CSGALNACT1: variants seen among roughly 807,000 people sequenced by gnomAD.
CSGALNACT1 encodes beta4GalNAcT-1.
In CSGALNACT1, 52 loss-of-function variants were observed where a neutral mutation model predicts 51.0. The observed-to-expected ratio is 1.02, with a 90% CI of 0.82 to 1.29. The LOEUF (loss-of-function observed/expected upper bound fraction) is 1.29, where lower values mean the gene tolerates loss of function less well. CSGALNACT1 is among the 50% of genes most tolerant of loss of function. CSGALNACT1 has a pLI of 0.00. For synonymous variants in CSGALNACT1, 341 were observed against 254.4 expected (o/e 1.34, Z -3.24); for missense variants, 935 against 679.2 (o/e 1.38, Z -4.19).
chr8:19,603,557 C>A (rs140312545), upstream of CSGALNACT1, among the ~76,000 whole-genome samples: 1 of 152,152 alleles, frequency 6.6e-6, no homozygotes, highest in Non-Finnish European at 1.5e-5. Flanking sequence ...CACTTGGACC[C>A]GAATCTGAGT....
chr8:19,747,072 C>T (rs1298057682), intron 1 of CSGALNACT1, among the ~76,000 whole-genome samples: 2 of 152,188 alleles, frequency 1.3e-5, no homozygotes, highest in Non-Finnish European at 2.9e-5. Context: ...GACAATTTTA[C>T]AAGGGTCCCA....
chr8:19,538,757 C>T (rs77220906), intron 3 of CSGALNACT1, among the ~76,000 whole-genome samples: 5,530 of 152,130 alleles, frequency 0.036, 305 homozygotes, highest in African/African-American at 0.12. Context: ...GTGGACTTCA[C>T]TCTGCACATC....
chr8:19,633,402 A>G (rs1564307747), intron 1 of CSGALNACT1, among the ~76,000 whole-genome samples: 2 of 152,320 alleles, frequency 1.3e-5, no homozygotes, highest in Non-Finnish European at 2.9e-5. Flanking sequence ...GGTACCCCAA[A>G]GAAGATATGT....
intron 9 of CSGALNACT1, among the ~76,000 whole-genome samples, chr8:19,407,910 T>TGC (rs922637137): frequency 6.0e-5 from 3 of 50,392 alleles, no homozygotes; most frequent in Non-Finnish European, 1.3e-4. Context: ...ATGAATTGTG[T>TGC]GTGTGTGTGT....
In CSGALNACT1 at chr8:19,642,658, C is replaced by G. The variant is rs149962580; in HGVS notation, c.-544+39815G>C. ...CTAGCTGGGCATGGTGGCACACACA[C>G]ACCTGTAGTCCCAGCTACTCGGGAG... On this transcript the variant is annotated intron_variant, in intron 1 of 9. Coordinates refer to the CSGALNACT1 transcript ENST00000332246. 3.7e-3 allele frequency among the ~76,000 whole-genome samples: 569 copies of G among 152,058 alleles called. 6 individuals carry two copies. Among genetic ancestry groups the G allele is most frequent in the African/African-American group, 0.013 (545 of 41,472 alleles).
At chr8:19,428,876 T>TGC (rs1491535188) in intron 6 of CSGALNACT1, among the ~76,000 whole-genome samples, 1 of 130,106 alleles carries the variant, frequency 7.7e-6, no homozygotes, top group Non-Finnish European at 1.7e-5. Context: ...TGTGTGTGTG[T>TGC]ATGCATGCTG....
At chr8:19,696,200 T>A (rs1646767190) in intron 1 of CSGALNACT1, among the ~76,000 whole-genome samples, 1 of 152,236 alleles carries the variant, frequency 6.6e-6, no homozygotes, top group African/African-American at 2.4e-5. Context: ...ATCAGGACTT[T>A]GGGGAACTTG....
chr8:19,543,603 T>C (rs1250366209), intron 3 of CSGALNACT1, among the ~76,000 whole-genome samples: 1 of 151,970 alleles, frequency 6.6e-6, no homozygotes, highest in Non-Finnish European at 1.5e-5. Flanking sequence ...TCCAGTGGGG[T>C]TCCACAGGCA....
At chr8:19,473,446 G>A (rs2068676270) in intron 4 of CSGALNACT1, among the ~76,000 whole-genome samples, 1 of 152,002 alleles carries the variant, frequency 6.6e-6, no homozygotes, top group South Asian at 2.1e-4. Flanking sequence ...ATTATCACAG[G>A]GTCCTTCCCA....
intron 3 of CSGALNACT1, among the ~76,000 whole-genome samples, chr8:19,577,142 C>T (rs1188465391): frequency 6.6e-6 from 1 of 152,172 alleles, no homozygotes; most frequent in African/African-American, 2.4e-5. Context: ...CAAAGCCTGA[C>T]AAACCAGTGC....
intron 1 of CSGALNACT1, among the ~76,000 whole-genome samples, chr8:19,691,435 A>G: frequency 6.6e-6 from 1 of 152,180 alleles, no homozygotes; most frequent in Non-Finnish European, 1.5e-5. Context: ...AACAAACAAA[A>G]CAAAACAAAA....
chr8:19,619,123 G>C (rs2053476586), intron 1 of CSGALNACT1, among the ~76,000 whole-genome samples: 1 of 151,930 alleles, frequency 6.6e-6, no homozygotes, highest in Non-Finnish European at 1.5e-5. Context: ...CACTACAGAG[G>C]AGCAAAGGGA....
chr8:19,558,995 G>A (rs1218151281), intron 3 of CSGALNACT1, among the ~76,000 whole-genome samples: 2 of 152,116 alleles, frequency 1.3e-5, no homozygotes, highest in Non-Finnish European at 2.9e-5. Flanking sequence ...GATGTTCCTT[G>A]AACTACATGC....
chr8:19,722,037 T>C (rs895567266), intron 1 of CSGALNACT1, among the ~76,000 whole-genome samples: 1 of 152,250 alleles, frequency 6.6e-6, no homozygotes, highest in East Asian at 1.9e-4. Context: ...TTGAATTTTT[T>C]TTTCTGTGAT....
intron 1 of CSGALNACT1, among the ~76,000 whole-genome samples, chr8:19,608,309 T>G (rs533522649): frequency 6.6e-6 from 1 of 152,262 alleles, no homozygotes; most frequent in East Asian, 1.9e-4. Flanking sequence ...CCAACACACC[T>G]ACTCCAACAC....
chr8:19,556,652 A>G (rs1291455437), intron 3 of CSGALNACT1, among the ~76,000 whole-genome samples: 4 of 152,192 alleles, frequency 2.6e-5, no homozygotes, highest in Non-Finnish European at 5.9e-5. Flanking sequence ...GCAAGCTTCT[A>G]TCTGCTGCAA....
At chr8:19,682,762 G>A (rs750354589), upstream of CSGALNACT1, 19 of 453,902 alleles carry the variant, frequency 4.2e-5, no homozygotes, top group African/African-American at 8.0e-5. Flanking sequence ...GAACAAGCCC[G>A]TCTGCCCAAG....
At chr8:19,623,201 A>G (rs2054043297) in intron 1 of CSGALNACT1, among the ~76,000 whole-genome samples, 1 of 152,250 alleles carries the variant, frequency 6.6e-6, no homozygotes, top group South Asian at 2.1e-4. Flanking sequence ...AACCACTGTC[A>G]TCAGATTGAT....
At chr8:19,456,346 C>G (rs2064090469) in intron 5 of CSGALNACT1, among the ~76,000 whole-genome samples, 1 of 152,158 alleles carries the variant, frequency 6.6e-6, no homozygotes, top group Non-Finnish European at 1.5e-5. Context: ...TCCAAGGACT[C>G]AGAGAATCAA....
Sources: allele counts gnomAD v4.1 joint callset (sites outside exome capture counted in the v4.1 genomes callset), GRCh38; gene constraint gnomAD v4.1.1; transcripts MANE v1.5; gene names NCBI Gene and HGNC (gene_info 2026-07-23, HGNC 2026-07-21).